PRDM11: variants seen among roughly 807,000 people sequenced by gnomAD.
The protein encoded by PRDM11 is PR/SET domain 11.
In PRDM11, 20 loss-of-function variants were observed where a neutral mutation model predicts 97.8. The ratio of observed to expected loss-of-function variants is 0.20; its 90% CI spans 0.14 to 0.30. The LOEUF is 0.30. Among genes scored for constraint, PRDM11 ranks in the 10% least tolerant of loss-of-function variants. PRDM11 has a pLI of 1.00. For synonymous variants in PRDM11, 599 were observed against 637.7 expected, an observed-to-expected ratio of 0.94 and a Z score of 0.91; for missense variants, 1,139 against 1,555.2, an observed-to-expected ratio of 0.73 and a Z score of 4.50.
intron 1 of PRDM11, among the ~76,000 whole-genome samples, chr11:45,164,104 G>C (rs1430608395): frequency 6.6e-6 from 1 of 152,184 alleles, no homozygotes; most frequent in East Asian, 1.9e-4. Context: ...AAAGATGGGG[G>C]ATCTGAAACT....
At position 45,106,622 on chromosome 11, in the gene PRDM11, G is replaced by T. The variant is rs1852065750; in HGVS notation, c.96+10721G>T. Among the ~76,000 whole-genome samples, 5 of 152,188 alleles carry T rather than the reference G, an allele frequency of 3.3e-5. No individual in the cohort carries two copies. The South Asian group carries it at 8.3e-4, about 25-fold the overall frequency. ...TGGAAGATTAAGGCTGGGGTGACTTGACGGTGGTGGCAGGAACCCTCTGGT... is the reference window on the plus strand; with the variant it reads ...TGGAAGATTAAGGCTGGGGTGACTTTACGGTGGTGGCAGGAACCCTCTGGT... On this transcript the variant is annotated intron_variant, in intron 1 of 6. Transcript: ENST00000530656.
chr11:45,201,791 C>T (rs945009687), intron 4 of PRDM11, among the ~76,000 whole-genome samples: 3 of 151,708 alleles, frequency 2.0e-5, no homozygotes, highest in Admixed American at 6.6e-5. Flanking sequence ...CACGGTGAAA[C>T]GCTGTCTCTA....
upstream of PRDM11, among the ~76,000 whole-genome samples, chr11:45,142,495 C>T (rs914492380): frequency 6.6e-6 from 1 of 152,170 alleles, no homozygotes; most frequent in African/African-American, 2.4e-5. Context: ...AGGGATGCCC[C>T]TCACTCCCAC....
At chr11:45,209,282 C>T (rs1256386600) in intron 5 of PRDM11, 5 of 363,356 alleles carry the variant, frequency 1.4e-5, no homozygotes, top group Non-Finnish European at 2.8e-5. Context: ...GCACCGACAG[C>T]CCTTCGACCA....
intron 1 of PRDM11, among the ~76,000 whole-genome samples, chr11:45,148,282 C>A (rs1851574117): frequency 1.3e-5 from 2 of 152,230 alleles, no homozygotes; most frequent in Non-Finnish European, 2.9e-5. Context: ...GACTTCACAT[C>A]GTTGTCTTTG....
intron 1 of PRDM11, among the ~76,000 whole-genome samples, chr11:45,116,799 G>A (rs1852312833): frequency 6.6e-6 from 1 of 152,156 alleles, no homozygotes; most frequent in Admixed American, 6.5e-5. Context: ...CTAGAACTGG[G>A]GAAGGAAATA....
intron 5 of PRDM11, among the ~76,000 whole-genome samples, chr11:45,211,507 C>T (rs1853733761): frequency 6.6e-6 from 1 of 152,274 alleles, no homozygotes; most frequent in Middle Eastern, 3.4e-3. Context: ...TGTCCGGCTG[C>T]AAGGAGCAGT....
chr11:45,100,392 A>G (rs1350710116), intron 1 of PRDM11, among the ~76,000 whole-genome samples: 2 of 152,358 alleles, frequency 1.3e-5, no homozygotes, highest in East Asian at 1.9e-4. Flanking sequence ...GAAGAAACTC[A>G]TGCTCAGCCT....
chr11:45,193,857 C>T (rs568409996), intron 4 of PRDM11, among the ~76,000 whole-genome samples: 56 of 152,290 alleles, frequency 3.7e-4, no homozygotes, highest in African/African-American at 1.2e-3. Flanking sequence ...CTGGGCTGCC[C>T]GGACTCCAGC....
chr11:45,171,289 A>T (rs891471814), intron 1 of PRDM11, among the ~76,000 whole-genome samples: 5 of 152,090 alleles, frequency 3.3e-5, no homozygotes, highest in African/African-American at 7.2e-5. Flanking sequence ...TAGTAGAAAC[A>T]GGGTTTTGCC....
At chr11:45,117,459 A>G (rs1196384595) in intron 1 of PRDM11, among the ~76,000 whole-genome samples, 1 of 152,246 alleles carries the variant, frequency 6.6e-6, no homozygotes, top group Non-Finnish European at 1.5e-5. Flanking sequence ...CTCAAAGAGG[A>G]GAAGCAGGTT....
intron 1 of PRDM11, among the ~76,000 whole-genome samples, chr11:45,109,023 G>A (rs75682522): frequency 0.01 from 1,546 of 152,300 alleles, 19 homozygotes; most frequent in African/African-American, 0.035. Flanking sequence ...GGAAGATGTC[G>A]GGGCTTAGCC....
chr11:45,195,356 A>G (rs1339941325), intron 4 of PRDM11, among the ~76,000 whole-genome samples: 3 of 151,890 alleles, frequency 2.0e-5, no homozygotes, highest in Non-Finnish European at 4.4e-5. Context: ...CCCTCTTCCA[A>G]TCCCCTTAAC....
At chr11:45,094,456 G>A (rs547131120), upstream of PRDM11, among the ~76,000 whole-genome samples, 7 of 151,990 alleles carry the variant, frequency 4.6e-5, no homozygotes, top group East Asian at 3.9e-4. Flanking sequence ...GGGAGGCTGA[G>A]AGAGCAGGAG....
chr11:45,145,256 C>CA (rs1851480707), upstream of PRDM11, among the ~76,000 whole-genome samples: 1 of 152,124 alleles, frequency 6.6e-6, no homozygotes, highest in East Asian at 1.9e-4. Flanking sequence ...ATCACACAGC[C>CA]AGTAACAGGC....
intron 1 of PRDM11, among the ~76,000 whole-genome samples, chr11:45,175,646 G>A (rs1477737922): frequency 6.6e-6 from 1 of 152,044 alleles, no homozygotes; most frequent in South Asian, 2.1e-4. Context: ...ATCTTTGCAC[G>A]CAATTTAAAT....
chr11:45,147,770 G>A (rs1325399543), intron 1 of PRDM11, among the ~76,000 whole-genome samples: 4 of 152,194 alleles, frequency 2.6e-5, no homozygotes, highest in Non-Finnish European at 5.9e-5. Context: ...GGCTGGGCTG[G>A]GATTTAGGGG....
chr11:45,119,201 A>G (rs970378745), intron 1 of PRDM11, among the ~76,000 whole-genome samples: 4 of 152,354 alleles, frequency 2.6e-5, no homozygotes, highest in Admixed American at 2.6e-4. Context: ...CCAGGGACCT[A>G]CTTGCAAGAA....
chr11:45,127,809 C>T (rs12294888), intron 1 of PRDM11, among the ~76,000 whole-genome samples: 5,986 of 152,308 alleles, frequency 0.039, 414 homozygotes, highest in African/African-American at 0.14. Flanking sequence ...CAGGGACCCA[C>T]TTGACGAGGC....
Sources: allele counts gnomAD v4.1 joint callset (sites outside exome capture counted in the v4.1 genomes callset), GRCh38; gene constraint gnomAD v4.1.1; transcripts MANE v1.5; gene names NCBI Gene and HGNC (gene_info 2026-07-23, HGNC 2026-07-21).